The following SUPT3H variants were observed in gnomAD, a reference collection of about 807,000 sequenced individuals.
SUPT3H encodes SPT3 homolog, SAGA and STAGA complex component, also known as transcription initiation protein SPT3 homolog.
SUPT3H carries 44 observed loss-of-function variants against 44.3 expected under a neutral mutation model. The observed-to-expected ratio is 0.99, with a 90% CI of 0.78 to 1.28. The LOEUF is 1.28. Ranked by LOEUF, SUPT3H falls within the 50% of genes most tolerant of loss-of-function variation. The probability of loss-of-function intolerance (pLI) is 0.00; values close to 1 mark genes in which losing one functional copy is unlikely to be tolerated. For missense variants in SUPT3H, 380 were observed against 387.1 expected, an observed-to-expected ratio of 0.98 and a Z score of 0.15; for synonymous variants, 124 against 125.6, an observed-to-expected ratio of 0.99 and a Z score of 0.09.
At chr6:45,365,088 A>G in intron 2 of SUPT3H, 113 bp downstream of exon 2, 1 of 695,734 alleles carries the variant, frequency 1.4e-6, no homozygotes, top group Non-Finnish European at 2.2e-6. Flanking sequence ...TTTTTACTTG[A>G]TTAATAACAA....
chr6:45,202,657 A>C (rs963358972), intron 2 of SUPT3H, among the ~76,000 whole-genome samples: 7 of 152,104 alleles, frequency 4.6e-5, no homozygotes, highest in Non-Finnish European at 7.4e-5. Flanking sequence ...TACTCGTACT[A>C]TCAAAATCTC....
At chr6:45,253,418 C>T (rs1772728888) in intron 2 of SUPT3H, among the ~76,000 whole-genome samples, 1 of 152,136 alleles carries the variant, frequency 6.6e-6, no homozygotes, top group South Asian at 2.1e-4. Flanking sequence ...CCGAAGAAAA[C>T]AGTGTAACTG....
At chr6:45,363,364 G>C (rs1185129042) in intron 2 of SUPT3H, among the ~76,000 whole-genome samples, 2 of 152,062 alleles carry the variant, frequency 1.3e-5, no homozygotes, top group African/African-American at 2.4e-5. Flanking sequence ...AAGATGTCTG[G>C]GATTTGCTTT....
At chr6:44,960,235 C>T (rs1052146861) in intron 7 of SUPT3H, among the ~76,000 whole-genome samples, 1 of 151,642 alleles carries the variant, frequency 6.6e-6, no homozygotes, top group Non-Finnish European at 1.5e-5. Context: ...AGTGAAACCC[C>T]GTGTCTATTA....
chr6:44,838,455 G>A (rs1770321891), intron 10 of SUPT3H, among the ~76,000 whole-genome samples: 2 of 152,200 alleles, frequency 1.3e-5, no homozygotes, highest in East Asian at 3.8e-4. Context: ...TGGTCATCAA[G>A]GAGGTTTCTT....
chr6:45,244,685 C>T (rs991068098), intron 2 of SUPT3H, among the ~76,000 whole-genome samples: 1 of 152,118 alleles, frequency 6.6e-6, no homozygotes, highest in African/African-American at 2.4e-5. Flanking sequence ...TAACTCATTA[C>T]CTGTTGCTAT....
chr6:45,206,618 T>C (rs986622449), intron 2 of SUPT3H, among the ~76,000 whole-genome samples: 6 of 151,016 alleles, frequency 4.0e-5, no homozygotes, highest in Non-Finnish European at 5.9e-5. Context: ...GGGCAGGGGG[T>C]AGAAATGAAA....
At chr6:45,042,965 C>T (rs892233447) in intron 3 of SUPT3H, among the ~76,000 whole-genome samples, 1 of 151,842 alleles carries the variant, frequency 6.6e-6, no homozygotes, top group Non-Finnish European at 1.5e-5. Flanking sequence ...AAAAAATTAC[C>T]CTTTCTCAAC....
chr6:44,968,290 A>G (rs561422194), intron 6 of SUPT3H, among the ~76,000 whole-genome samples: 3 of 152,236 alleles, frequency 2.0e-5, no homozygotes, highest in Non-Finnish European at 4.4e-5. Flanking sequence ...GCAATGCGGC[A>G]ACATGTAAAT....
intron 2 of SUPT3H, among the ~76,000 whole-genome samples, chr6:45,110,816 C>A (rs1426647292): frequency 6.6e-6 from 1 of 152,136 alleles, no homozygotes; most frequent in African/African-American, 2.4e-5. Flanking sequence ...CTCACATCTA[C>A]ATATCCCCAG....
At chr6:45,154,096 GTCC>G (rs1478233854) in intron 2 of SUPT3H, among the ~76,000 whole-genome samples, 1 of 50,452 alleles carries the variant, frequency 2.0e-5, no homozygotes, top group Non-Finnish European at 5.3e-5. Flanking sequence ...AAAGCGCTTA[GTCC>G]TCCTATGTTA....
At chr6:45,350,535 TCACAAA>T (rs1162093941) in intron 2 of SUPT3H, among the ~76,000 whole-genome samples, 2 of 152,092 alleles carry the variant, frequency 1.3e-5, no homozygotes, top group Non-Finnish European at 2.9e-5. Context: ...CCAATAATAG[TCACAAA>T]CTTGCTGAGT....
intron 2 of SUPT3H, among the ~76,000 whole-genome samples, chr6:45,138,657 G>A (rs773059790): frequency 1.2e-4 from 18 of 152,098 alleles, no homozygotes; most frequent in Admixed American, 9.2e-4. Flanking sequence ...GAAATGCCCA[G>A]AAGAGGCAAA....
chr6:44,929,381 T>A (rs1322094115), intron 10 of SUPT3H, among the ~76,000 whole-genome samples: 1 of 152,182 alleles, frequency 6.6e-6, no homozygotes, highest in East Asian at 1.9e-4. Flanking sequence ...AATGGATATA[T>A]ATATACACAT....
intron 2 of SUPT3H, among the ~76,000 whole-genome samples, chr6:45,230,726 G>A (rs181591175): frequency 2.9e-5 from 4 of 138,548 alleles, no homozygotes; most frequent in East Asian, 2.2e-4. Context: ...AGGCTGCAGC[G>A]CAGTGGCACG....
At chr6:44,955,010 A>T (rs1774895520) in intron 7 of SUPT3H, among the ~76,000 whole-genome samples, 1 of 152,230 alleles carries the variant, frequency 6.6e-6, no homozygotes, top group South Asian at 2.1e-4. Flanking sequence ...AAATCTTGCA[A>T]GAAAGAACCT....
At chr6:45,127,698 A>G (rs754625098) in intron 2 of SUPT3H, among the ~76,000 whole-genome samples, 8 of 152,132 alleles carry the variant, frequency 5.3e-5, no homozygotes, top group Non-Finnish European at 1.2e-4. Flanking sequence ...TCTGTTTTCT[A>G]TCTCGCTGAT....
chr6:45,113,283 G>T (rs1350198809), intron 2 of SUPT3H, among the ~76,000 whole-genome samples: 1 of 152,046 alleles, frequency 6.6e-6, no homozygotes, highest in African/African-American at 2.4e-5. Context: ...ACATCATACT[G>T]TTGTTTATGT....
chr6:45,077,057 C>A (rs1317545309), intron 3 of SUPT3H, among the ~76,000 whole-genome samples: 1 of 152,124 alleles, frequency 6.6e-6, no homozygotes, highest in Non-Finnish European at 1.5e-5. Flanking sequence ...CCCACTGTCT[C>A]AACTCTCTTT....
Sources: gnomAD v4.1 joint callset for allele counts (sites outside exome capture counted in the v4.1 genomes callset) on GRCh38, gnomAD v4.1.1 for gene constraint, MANE v1.5 for transcripts, NCBI Gene and HGNC (gene_info 2026-07-23, HGNC 2026-07-21) for gene names.